CNTNAP2: variants seen among roughly 807,000 people sequenced by gnomAD.
The protein encoded by CNTNAP2 is contactin-associated protein-like 2.
A neutral mutation model predicts 155.2 loss-of-function variants in CNTNAP2; 98 were observed. The ratio of observed to expected loss-of-function variants is 0.63; its 90% confidence interval spans 0.54 to 0.75. The LOEUF (loss-of-function observed/expected upper bound fraction) is 0.75. Among genes scored for constraint, CNTNAP2 ranks in the 30% least tolerant of loss-of-function variants. The pLI is 0.00. For missense variants in CNTNAP2, 1,727 were observed against 1,688.1 expected (o/e 1.02, Z -0.40); for synonymous variants, 651 against 631.2 (o/e 1.03, Z -0.47).
In CNTNAP2 at chr7:148,414,078, A is replaced by AT. The variant is rs780784669; in HGVS notation, c.3797-1327dup. Among the ~76,000 whole-genome samples, 220 of 114,422 alleles carry AT rather than the reference A, an allele frequency of 1.9e-3. 1 individual carries two copies. Among genetic ancestry groups the AT allele is most frequent in the South Asian group, 7.9e-3 (30 of 3,800 alleles). The allele number at this position is 114,422 out of a possible 152,430, so 75.1% of individuals were successfully genotyped here. A position where few individuals can be genotyped will look rare whatever the true frequency, so the allele number is the denominator to read the frequency against. ...TCATCCAGTATTTTTTTCTTTTTCC[A>AT]TTTTTTTTTTTTAGACAGAGTCCCC... On this transcript the variant is annotated intron_variant, in intron 23 of 23. Coordinates refer to ENST00000361727, the MANE Select transcript of CNTNAP2 (RefSeq NM_014141.6).
At chr7:148,337,054 TATTC>T (rs1296793924) in intron 21 of CNTNAP2, among the ~76,000 whole-genome samples, 2 of 37,090 alleles carry the variant, frequency 5.4e-5, no homozygotes, top group Non-Finnish European at 1.4e-4. Context: ...GGCAATCATT[TATTC>T]ATTCATTCCC....
At chr7:146,654,747 A>G (rs556875241) in intron 1 of CNTNAP2, among the ~76,000 whole-genome samples, 2 of 152,188 alleles carry the variant, frequency 1.3e-5, no homozygotes, top group South Asian at 4.1e-4. Context: ...GGCTTGTTAT[A>G]GAAACAGTTA....
intron 14 of CNTNAP2, among the ~76,000 whole-genome samples, chr7:147,956,575 A>C (rs911115194): frequency 1.3e-5 from 2 of 152,144 alleles, no homozygotes; most frequent in Non-Finnish European, 2.9e-5. Flanking sequence ...CCCATATCGA[A>C]GCACATGCAG....
chr7:146,420,451 C>T (rs1795994365), intron 1 of CNTNAP2, among the ~76,000 whole-genome samples: 1 of 152,030 alleles, frequency 6.6e-6, no homozygotes, highest in Non-Finnish European at 1.5e-5. Flanking sequence ...AGTGAATTCG[C>T]ATTTTTAACA....
intron 2 of CNTNAP2, among the ~76,000 whole-genome samples, chr7:146,811,209 GTTAA>G (rs1450413817): frequency 1.3e-5 from 2 of 152,268 alleles, no homozygotes; most frequent in Non-Finnish European, 2.9e-5. Flanking sequence ...AAGAATTGGT[GTTAA>G]TTGTTTGTTC....
At chr7:147,228,099 G>T (rs530836450) in intron 8 of CNTNAP2, among the ~76,000 whole-genome samples, 1 of 152,150 alleles carries the variant, frequency 6.6e-6, no homozygotes, top group Non-Finnish European at 1.5e-5. Flanking sequence ...CTGCTGAATA[G>T]TCATTAAGAT....
intron 11 of CNTNAP2, among the ~76,000 whole-genome samples, chr7:147,537,876 T>C (rs1799574557): frequency 6.6e-6 from 1 of 152,190 alleles, no homozygotes; most frequent in Non-Finnish European, 1.5e-5. Flanking sequence ...GTTTTGTGCA[T>C]TTTTCCTTAT....
chr7:147,420,716 T>C (rs1471327553), intron 10 of CNTNAP2, among the ~76,000 whole-genome samples: 1 of 152,218 alleles, frequency 6.6e-6, no homozygotes, highest in Non-Finnish European at 1.5e-5. Context: ...CAGTTAGTGA[T>C]TTTATATGGT....
At chr7:147,267,635 A>G (rs1804643731) in intron 8 of CNTNAP2, among the ~76,000 whole-genome samples, 1 of 151,982 alleles carries the variant, frequency 6.6e-6, no homozygotes. Context: ...GAATAAGATC[A>G]GTTTGCATCC....
intron 1 of CNTNAP2, among the ~76,000 whole-genome samples, chr7:146,139,303 G>A (rs1030068203): frequency 3.3e-5 from 5 of 152,086 alleles, no homozygotes; most frequent in African/African-American, 1.2e-4. Flanking sequence ...TTGAACCCTT[G>A]TAAGTTAGGG....
chr7:148,398,499 C>A (rs1799515666), intron 22 of CNTNAP2, among the ~76,000 whole-genome samples: 1 of 152,152 alleles, frequency 6.6e-6, no homozygotes, highest in Non-Finnish European at 1.5e-5. Flanking sequence ...CAAAGCAGAT[C>A]AATAATATTC....
At chr7:146,682,998 TC>T (rs1383940662) in intron 1 of CNTNAP2, among the ~76,000 whole-genome samples, 1 of 152,124 alleles carries the variant, frequency 6.6e-6, no homozygotes, top group Non-Finnish European at 1.5e-5. Flanking sequence ...TCTCTCTACT[TC>T]CTGTGTTTGT....
intron 3 of CNTNAP2, among the ~76,000 whole-genome samples, chr7:146,878,934 T>G (rs1337826310): frequency 6.6e-6 from 1 of 152,200 alleles, no homozygotes; most frequent in African/African-American, 2.4e-5. Flanking sequence ...ACTTACCTTT[T>G]GCGAACTTTA....
chr7:146,776,485 C>A (rs138011612), intron 2 of CNTNAP2, among the ~76,000 whole-genome samples: 2 of 152,208 alleles, frequency 1.3e-5, no homozygotes, highest in African/African-American at 4.8e-5. Flanking sequence ...GAGCAAGGAA[C>A]CCATTTCCAT....
chr7:147,782,272 A>G (rs1797671974), intron 13 of CNTNAP2, among the ~76,000 whole-genome samples: 1 of 152,238 alleles, frequency 6.6e-6, no homozygotes, highest in South Asian at 2.1e-4. Flanking sequence ...TATTTTTGCA[A>G]AATCAGGAAG....
At chr7:147,161,896 G>A (rs1412786058) in intron 8 of CNTNAP2, 1 of 152,046 alleles carries the variant, frequency 6.6e-6, no homozygotes, top group Admixed American at 6.6e-5. Context: ...CCTCCTTTCT[G>A]TTCCAGAACA....
At chr7:146,244,869 G>C (rs1213843193) in intron 1 of CNTNAP2, among the ~76,000 whole-genome samples, 2 of 152,104 alleles carry the variant, frequency 1.3e-5, no homozygotes, top group Non-Finnish European at 2.9e-5. Flanking sequence ...TTAGTTATCT[G>C]ACTCGGGGCA....
intron 13 of CNTNAP2, among the ~76,000 whole-genome samples, chr7:147,847,732 C>G (rs1165555595): frequency 2.6e-5 from 1 of 38,848 alleles, no homozygotes; most frequent in Non-Finnish European, 4.7e-5. Flanking sequence ...GTGGTTTTAT[C>G]TACTTTTGGT....
intron 6 of CNTNAP2, among the ~76,000 whole-genome samples, chr7:147,125,748 C>T (rs1801219137): frequency 6.6e-6 from 1 of 152,096 alleles, no homozygotes; most frequent in African/African-American, 2.4e-5. Flanking sequence ...TTCATATTCC[C>T]CTTTGATGAA....
Sources: gnomAD v4.1 joint callset for allele counts (sites outside exome capture counted in the v4.1 genomes callset) on GRCh38, gnomAD v4.1.1 for gene constraint, MANE v1.5 for transcripts, NCBI Gene and HGNC (gene_info 2026-07-23, HGNC 2026-07-21) for gene names.